Variants in CSGALNACT1 observed in about 807,000 individuals in gnomAD.
The protein encoded by CSGALNACT1 is beta4GalNAcT-1.
CSGALNACT1 carries 52 observed loss-of-function variants against 51.0 expected under a neutral mutation model. The observed-to-expected ratio is 1.02, with a 90% CI of 0.82 to 1.29. The LOEUF (loss-of-function observed/expected upper bound fraction) is 1.29. Ranked by LOEUF, CSGALNACT1 falls within the 50% of genes most tolerant of loss-of-function variation. The pLI is 0.00. For synonymous variants in CSGALNACT1, 341 were observed against 254.4 expected (o/e 1.34, Z -3.24); for missense variants, 935 against 679.2 (o/e 1.38, Z -4.19).
chr8:19,493,427 A>G (rs568929406), intron 4 of CSGALNACT1, among the ~76,000 whole-genome samples: 22 of 151,618 alleles, frequency 1.5e-4, no homozygotes, highest in African/African-American at 5.1e-4. Context: ...ACCACAATCT[A>G]TTTTTAGAGA....
intron 1 of CSGALNACT1, among the ~76,000 whole-genome samples, chr8:19,655,423 C>T (rs2058172875): frequency 6.6e-6 from 1 of 152,170 alleles, no homozygotes; most frequent in Middle Eastern, 3.4e-3. Flanking sequence ...TGCAGTGGCA[C>T]TATCATGGCT....
intron 1 of CSGALNACT1, among the ~76,000 whole-genome samples, chr8:19,694,417 C>G (rs1183100674): frequency 6.6e-6 from 1 of 152,208 alleles, no homozygotes; most frequent in Non-Finnish European, 1.5e-5. Flanking sequence ...TAACAACCAA[C>G]CTTAGAAAGC....
At chr8:19,450,765 C>T (rs2063035954) in intron 5 of CSGALNACT1, among the ~76,000 whole-genome samples, 1 of 151,920 alleles carries the variant, frequency 6.6e-6, no homozygotes, top group South Asian at 2.1e-4. Context: ...AAAAATCTGG[C>T]TGGATGTGGT....
intron 6 of CSGALNACT1, 134 bp downstream of exon 5, chr8:19,439,696 C>G (rs984461470): frequency 4.0e-6 from 3 of 743,876 alleles, no homozygotes; most frequent in African/African-American, 1.7e-5. Flanking sequence ...TCCCTGAACA[C>G]AGCCAGCAAT....
chr8:19,425,866 T>C (rs190631477), intron 6 of CSGALNACT1, among the ~76,000 whole-genome samples: 19 of 152,228 alleles, frequency 1.2e-4, no homozygotes, highest in African/African-American at 4.1e-4. Context: ...CCTGCGAACA[T>C]CACTCGGTCT....
chr8:19,604,932 A>T (rs1175713638), upstream of CSGALNACT1, among the ~76,000 whole-genome samples: 1 of 149,518 alleles, frequency 6.7e-6, no homozygotes, highest in East Asian at 2.0e-4. Flanking sequence ...AAAAAAAAAA[A>T]AAGTAAGTAT....
exon 9 of CSGALNACT1, chr8:19,408,681 T>C: frequency 6.2e-7 from 1 of 1,613,910 alleles, no homozygotes; most frequent in African/African-American, 1.3e-5. Context: ...AAATCCAGTT[T>C]CCTTCTTTAT....
intron 4 of CSGALNACT1, among the ~76,000 whole-genome samples, chr8:19,496,631 T>G (rs1481920032): frequency 6.6e-6 from 1 of 152,170 alleles, no homozygotes; most frequent in Non-Finnish European, 1.5e-5. Flanking sequence ...TTTTTGGAAC[T>G]TAGTAGAGAG....
chr8:19,713,089 T>A (rs945702313), intron 1 of CSGALNACT1, among the ~76,000 whole-genome samples: 4 of 152,174 alleles, frequency 2.6e-5, no homozygotes, highest in Admixed American at 1.3e-4. Flanking sequence ...TTACTCTCCA[T>A]CCCCATTTCC....
chr8:19,441,476 C>A (rs2061323763), intron 5 of CSGALNACT1, among the ~76,000 whole-genome samples: 1 of 152,174 alleles, frequency 6.6e-6, no homozygotes, highest in Non-Finnish European at 1.5e-5. Flanking sequence ...GGAAAGGATT[C>A]CCTACTTAAT....
At chr8:19,424,165 C>T (rs1222174409) in intron 6 of CSGALNACT1, among the ~76,000 whole-genome samples, 1 of 152,148 alleles carries the variant, frequency 6.6e-6, no homozygotes, top group Non-Finnish European at 1.5e-5. Flanking sequence ...GAGAGCTGAA[C>T]ATGAGTGTGC....
intron 4 of CSGALNACT1, among the ~76,000 whole-genome samples, chr8:19,478,907 C>G (rs1313000321): frequency 6.6e-6 from 1 of 152,152 alleles, no homozygotes; most frequent in Non-Finnish European, 1.5e-5. Context: ...CTTGTCATGT[C>G]ATTTTAGGTT....
chr8:19,690,103 A>G (rs2061216824), intron 1 of CSGALNACT1, among the ~76,000 whole-genome samples: 1 of 152,244 alleles, frequency 6.6e-6, no homozygotes, highest in South Asian at 2.1e-4. Flanking sequence ...TGCAGGTATA[A>G]ATTTACTACA....
At chr8:19,741,639 C>T (rs2064327784) in intron 1 of CSGALNACT1, among the ~76,000 whole-genome samples, 1 of 151,306 alleles carries the variant, frequency 6.6e-6, no homozygotes, top group Admixed American at 6.6e-5. Context: ...TCGGCTAGAC[C>T]AAGGCTCCAT....
In CSGALNACT1 at chr8:19,757,496, G is replaced by A. The variant is rs1422315544; in HGVS notation, c.-297+354C>T. Reference sequence around the variant, plus strand: ...TCTGCAGTGCGTCCCTGCGCCCGTCGGAGCGGCGCCCTGGCCGAAGCCTGT... The same window carrying A: ...TCTGCAGTGCGTCCCTGCGCCCGTCAGAGCGGCGCCCTGGCCGAAGCCTGT... On this transcript the variant is annotated intron_variant, in intron 1 of 1. Coordinates refer to the CSGALNACT1 transcript ENST00000517494. The surrounding 1 kb of genome is among the most constrained non-coding windows in gnomAD (Gnocchi z 4.0). 6.6e-6 allele frequency among the ~76,000 whole-genome samples: 1 copy of A among 152,072 alleles called. No homozygotes were observed. Among genetic ancestry groups the A allele is most frequent in the Non-Finnish European group, 1.5e-5 (1 of 67,996 alleles).
intron 3 of CSGALNACT1, among the ~76,000 whole-genome samples, chr8:19,553,345 GC>G (rs982982955): frequency 2.0e-5 from 3 of 151,854 alleles, no homozygotes; most frequent in Admixed American, 6.6e-5. Flanking sequence ...AGACAGAGGG[GC>G]AAAAATGTGG....
chr8:19,419,305 C>T (rs528411417), intron 7 of CSGALNACT1, among the ~76,000 whole-genome samples: 3 of 152,322 alleles, frequency 2.0e-5, no homozygotes, highest in Non-Finnish European at 4.4e-5. Flanking sequence ...CTGGGCATCA[C>T]GCCTTGGGAG....
At chr8:19,510,878 C>T (rs1212428524) in intron 3 of CSGALNACT1, among the ~76,000 whole-genome samples, 1 of 152,180 alleles carries the variant, frequency 6.6e-6, no homozygotes, top group African/African-American at 2.4e-5. Flanking sequence ...CAGCCTAAGA[C>T]TTAAACGAAA....
chr8:19,558,220 TTAAGC>T (rs1425747588), intron 3 of CSGALNACT1, among the ~76,000 whole-genome samples: 1 of 152,230 alleles, frequency 6.6e-6, no homozygotes, highest in African/African-American at 2.4e-5. Context: ...AAGTATACAT[TTAAGC>T]TACCTTTTGG....
Sources: allele counts gnomAD v4.1 joint callset (sites outside exome capture counted in the v4.1 genomes callset), GRCh38; gene constraint gnomAD v4.1.1; non-coding constraint Gnocchi (gnomAD v3.1); transcripts MANE v1.5; gene names NCBI Gene and HGNC (gene_info 2026-07-23, HGNC 2026-07-21).